The following CSE1L variants were observed in gnomAD, a reference collection of about 807,000 sequenced individuals.
The protein encoded by CSE1L is chromosome segregation 1 like.
A neutral mutation model predicts 120.4 loss-of-function variants in CSE1L; 24 were observed. The ratio of observed to expected loss-of-function variants is 0.20; its 90% CI spans 0.14 to 0.28. The LOEUF (loss-of-function observed/expected upper bound fraction) is 0.28. Ranked by LOEUF, CSE1L falls within the 10% of genes least tolerant of loss-of-function variation. CSE1L has a pLI of 1.00. For synonymous variants in CSE1L, 402 were observed against 398.3 expected (o/e 1.01, Z -0.11); for missense variants, 830 against 1,145.2 (o/e 0.72, Z 3.97).
chr20:49,068,791 T>C lies in CSE1L; in HGVS notation c.644T>C (p.Ile215Thr). 2 of 1,612,978 alleles carry C rather than the reference T, an allele frequency of 1.2e-6. No individual in the cohort carries two copies. Among genetic ancestry groups the C allele is most frequent in the Non-Finnish European group, 1.7e-6 (2 of 1,178,892 alleles). The change falls in exon 7 of 25, where the codon ATC becomes ACC. Residue 215 changes from isoleucine (I) to threonine (T), a missense_variant. By Grantham distance (89) the Ile-to-Thr change is moderately conservative. Transcript: ENST00000262982. ...ATTCTGTTTTCTTCCCTGATCCTGATCTCAAAATTGTTCTATAGTTTAAAC... is the reference window on the plus strand; with the variant it reads ...ATTCTGTTTTCTTCCCTGATCCTGACCTCAAAATTGTTCTATAGTTTAAAC... ...LRILFSSLIL[I>T]SKLFYSLNFQ...
chr20:49,083,903 A>G (rs1835452581), intron 14 of CSE1L, 123 bp from the exon 15 acceptor site: 15 of 995,274 alleles, frequency 1.5e-5, no homozygotes, highest in Non-Finnish European at 2.0e-5. Context: ...AGCATCTCCT[A>G]TTATAACAGA....
At chr20:49,059,634 C>G (rs2091836580) in intron 2 of CSE1L, among the ~76,000 whole-genome samples, 1 of 151,972 alleles carries the variant, frequency 6.6e-6, no homozygotes, top group Non-Finnish European at 1.5e-5. Flanking sequence ...AATCCCAGCA[C>G]TTTGGGAGGC....
intron 19 of CSE1L, 109 bp downstream of exon 19, chr20:49,089,855 G>A: frequency 3.8e-6 from 4 of 1,052,142 alleles, no homozygotes; most frequent in Non-Finnish European, 4.2e-6. Context: ...GCTGGGGGCA[G>A]TGGCTCAAGC....
chr20:49,080,617 C>G (rs2092004263), intron 14 of CSE1L, among the ~76,000 whole-genome samples: 2 of 152,116 alleles, frequency 1.3e-5, no homozygotes, highest in South Asian at 4.1e-4. Context: ...GCTGGGATTA[C>G]AAGCATCCAC....
chr20:49,061,203 C>CCCTCTGT (rs2091850094), intron 2 of CSE1L, among the ~76,000 whole-genome samples: 1 of 138,516 alleles, frequency 7.2e-6, no homozygotes, highest in African/African-American at 2.8e-5. Context: ...GACGGAGTCT[C>CCCTCTGT]CCTCTGTCGC....
chr20:49,094,983 ACT>A lies in CSE1L; in HGVS notation c.2826+23_2826+24del, dbSNP rs2092128492. The A allele has an allele frequency of 6.3e-7, 1 of 1,589,992 alleles. No homozygotes were observed. Among genetic ancestry groups the A allele is most frequent in the Admixed American group, 1.7e-5 (1 of 59,772 alleles). The stretch of plus-strand genomic sequence containing the variant: ...GGAAGGGTAAGTGTGTTGTCAAAGA[ACT>A]CTGTGATAAATGGAGACTTTAATGG... On this transcript the variant is annotated intron_variant, in intron 24 of 24. Coordinates refer to ENST00000262982, the MANE Select transcript of CSE1L (RefSeq NM_001316.4).
chr20:49,066,088 T>C (rs1438014344), intron 3 of CSE1L, 104 bp from the exon 4 acceptor site: 7 of 955,232 alleles, frequency 7.3e-6, no homozygotes, highest in African/African-American at 1.7e-5. Flanking sequence ...CTATTTGTTT[T>C]CTTAGAAAAT....
chr20:49,087,351 CTTTTT>C (rs11483071), intron 16 of CSE1L, among the ~76,000 whole-genome samples: 2 of 116,276 alleles, frequency 1.7e-5, no homozygotes, highest in Non-Finnish European at 3.4e-5. Flanking sequence ...TTTTCTTTTT[CTTTTT>C]TTTTTTTTTT....
In CSE1L at chr20:49,073,553, AT is replaced by A. The variant is rs555188689; in HGVS notation, c.1066+857del. 1.6e-4 allele frequency among the ~76,000 whole-genome samples: 25 copies of A among 152,036 alleles called. No homozygotes were observed. The South Asian group carries it at 1.9e-3, about 11-fold the overall frequency. ...CAGGCTGGAGTGCAGTAGCACAGTT[AT>A]GGCTTACTGCAACCTCAACTTCCCA... On this transcript the variant is annotated intron_variant, in intron 10 of 24. Transcript: ENST00000262982.
At chr20:49,088,844 T>A (rs1288167183) in intron 17 of CSE1L, among the ~76,000 whole-genome samples, 3 of 152,090 alleles carry the variant, frequency 2.0e-5, no homozygotes, top group African/African-American at 7.2e-5. Flanking sequence ...CAAGAACTTG[T>A]TTAAAGAAAA....
intron 2 of CSE1L, 87 bp downstream of exon 2, chr20:49,058,635 A>G (rs2091827580): frequency 5.0e-6 from 5 of 997,880 alleles, no homozygotes; most frequent in Admixed American, 2.2e-5. Context: ...TTATAAATAT[A>G]TTTTAAAAAA....
chr20:49,065,312 A>ATTTTTTTTT (rs1568769017), intron 3 of CSE1L, among the ~76,000 whole-genome samples: 8 of 79,416 alleles, frequency 1.0e-4, no homozygotes, highest in East Asian at 7.4e-4. Flanking sequence ...ATGAAAAAAA[A>ATTTTTTTTT]ATTTTTTTTT....
At chr20:49,050,091 G>A (rs1345589100) in intron 1 of CSE1L, among the ~76,000 whole-genome samples, 1 of 152,000 alleles carries the variant, frequency 6.6e-6, no homozygotes, top group African/African-American at 2.4e-5. Flanking sequence ...ATTATAACAT[G>A]CATATTTATA....
intron 8 of CSE1L, among the ~76,000 whole-genome samples, chr20:49,071,331 A>T (rs1405445000): frequency 6.6e-6 from 1 of 152,232 alleles, no homozygotes; most frequent in African/African-American, 2.4e-5. Flanking sequence ...TCCTTCAGAA[A>T]ACAAAACTTT....
At chr20:49,062,979 A>G (rs924695590) in intron 2 of CSE1L, among the ~76,000 whole-genome samples, 10 of 152,006 alleles carry the variant, frequency 6.6e-5, no homozygotes, top group Non-Finnish European at 1.2e-4. Context: ...TGTGAGAATC[A>G]TGTGAGTTAA....
Position 49,094,737 on chromosome 20 carries a change from C to T in CSE1L, c.2600C>T (p.Pro867Leu). The change falls in exon 24 of 25, where the codon CCA becomes CTA. Residue 867 changes from proline (P) to leucine (L), a missense_variant. Coordinates refer to ENST00000262982, the MANE Select transcript of CSE1L (RefSeq NM_001316.4). ...CTTGCTTTCTTCCAATCCAGGACTC[C>T]ATTATTACAGTCTTTGATTGGTCTT... ...MDTEYTKLWT[P>L]LLQSLIGLFE... is the part of the protein sequence containing the mutation. 6.2e-7 allele frequency: 1 copy of T among 1,607,420 alleles called. No homozygotes were observed. The highest frequency in any genetic ancestry group is 1.1e-5 in the South Asian group (1 of 90,916).
intron 1 of CSE1L, among the ~76,000 whole-genome samples, chr20:49,050,838 A>G (rs1481206324): frequency 6.6e-6 from 1 of 152,204 alleles, no homozygotes; most frequent in African/African-American, 2.4e-5. Context: ...CTGGGATTAC[A>G]GAAGTGAGCC....
chr20:49,078,061 A>C (rs2091982914), intron 13 of CSE1L, among the ~76,000 whole-genome samples: 1 of 152,180 alleles, frequency 6.6e-6, no homozygotes, highest in Non-Finnish European at 1.5e-5. Context: ...CTAGATCCAG[A>C]TATATTCCTT....
At chr20:49,064,267 G>A (rs1043272967) in intron 3 of CSE1L, among the ~76,000 whole-genome samples, 13 of 152,346 alleles carry the variant, frequency 8.5e-5, no homozygotes, top group African/African-American at 3.1e-4. Flanking sequence ...AGTATTAGCA[G>A]TTGACAAAAA....
Sources: allele counts gnomAD v4.1 joint callset (sites outside exome capture counted in the v4.1 genomes callset), GRCh38; gene constraint gnomAD v4.1.1; transcripts MANE v1.5; gene names NCBI Gene and HGNC (gene_info 2026-07-23, HGNC 2026-07-21).